The following FER1L6 variants were observed in gnomAD, a reference collection of about 807,000 sequenced individuals.
FER1L6 encodes fer-1 like family member 6, also known as fer-1-like protein 6.
In FER1L6, 177 loss-of-function variants were observed where a neutral mutation model predicts 219.2. The observed-to-expected ratio is 0.81, with a 90% CI of 0.71 to 0.91. The LOEUF is 0.91. Ranked by LOEUF, FER1L6 falls within the 40% of genes least tolerant of loss-of-function variation. The pLI is 0.00. For synonymous variants in FER1L6, 768 were observed against 824.3 expected (o/e 0.93, Z 1.17); for missense variants, 2,153 against 2,259.9 (o/e 0.95, Z 0.96).
At chr8:124,052,573 G>A (rs1006817339) in intron 22 of FER1L6, among the ~76,000 whole-genome samples, 12 of 152,034 alleles carry the variant, frequency 7.9e-5, no homozygotes, top group Non-Finnish European at 1.8e-4. Flanking sequence ...ATCACCTGAA[G>A]TCAGGAGTTG....
At chr8:124,004,678 G>C (rs1467898930) in intron 13 of FER1L6, among the ~76,000 whole-genome samples, 1 of 151,930 alleles carries the variant, frequency 6.6e-6, no homozygotes, top group Non-Finnish European at 1.5e-5. Flanking sequence ...CCACCATTCT[G>C]AGTCCTCCAA....
At chr8:124,093,812 AT>A (rs1217662222) in intron 34 of FER1L6, among the ~76,000 whole-genome samples, 1 of 151,254 alleles carries the variant, frequency 6.6e-6, no homozygotes, top group African/African-American at 2.4e-5. Context: ...TATTATTTTA[AT>A]TTTTGTGGGT....
In FER1L6 at chr8:124,103,041, G is replaced by C. The variant is rs569114363; in HGVS notation, c.5126-105G>C. 179 of 1,039,176 alleles carry C rather than the reference G, an allele frequency of 1.7e-4. No individual in the cohort carries two copies. The South Asian group carries it at 2.6e-3, about 15-fold the overall frequency. 64.4% of individuals were successfully genotyped at this position (1,039,176 alleles called of 1,614,324 possible). A position where few individuals can be genotyped will look rare whatever the true frequency, so the allele number is the denominator to read the frequency against. ...TGATCCAATATGGTACTGATTGAAT[G>C]AGTAGGAAGTGAAGGGTGAATGAAT... On this transcript the variant is annotated intron_variant, in intron 38 of 40. Coordinates refer to ENST00000522917, the MANE Select transcript of FER1L6 (RefSeq NM_001039112.2).
At chr8:124,039,149 AC>A (rs1201279381) in intron 19 of FER1L6, among the ~76,000 whole-genome samples, 1 of 152,082 alleles carries the variant, frequency 6.6e-6, no homozygotes, top group Admixed American at 6.6e-5. Context: ...CTCACAGGAC[AC>A]TTATCCCTGA....
chr8:123,933,538 CAT>C (rs935212653), intron 1 of FER1L6, among the ~76,000 whole-genome samples: 3 of 152,170 alleles, frequency 2.0e-5, no homozygotes, highest in East Asian at 1.9e-4. Flanking sequence ...TGTGCACACA[CAT>C]GTGAGTGCAT....
intron 1 of FER1L6, among the ~76,000 whole-genome samples, chr8:123,903,999 G>A (rs758295029): frequency 1.5e-4 from 23 of 152,252 alleles, no homozygotes; most frequent in Middle Eastern, 3.4e-3. Context: ...GGCCTCCTCC[G>A]AAGCTGGCAG....
intron 1 of FER1L6, among the ~76,000 whole-genome samples, chr8:123,928,860 C>G (rs1258240426): frequency 6.6e-6 from 1 of 152,182 alleles, no homozygotes; most frequent in Non-Finnish European, 1.5e-5. Context: ...CAGGAGTCAT[C>G]ATTTACTTAA....
In FER1L6 at chr8:124,092,852, CTTTTTTTTTT is replaced by C. The variant is rs56104148; in HGVS notation, c.4552+1281_4552+1290del. Among the ~76,000 whole-genome samples, 36 of 140,156 alleles carry C rather than the reference CTTTTTTTTTT, an allele frequency of 2.6e-4. 1 individual carries two copies. Among genetic ancestry groups the C allele is most frequent in the African/African-American group, 7.2e-4 (27 of 37,378 alleles). The allele number at this position is 140,156 out of a possible 152,430, so 91.9% of individuals were successfully genotyped here. On this transcript the variant is annotated intron_variant, in intron 34 of 40. Coordinates refer to ENST00000522917, the MANE Select transcript of FER1L6 (RefSeq NM_001039112.2). ...AGAGAGAAAGCGGGGAAGTGCTACC[CTTTTTTTTTT>C]TTTTTTTTTTTGAGATGGAGTCTCA...
chr8:123,893,426 G>A (rs1182726451), intron 1 of FER1L6, among the ~76,000 whole-genome samples: 3 of 152,138 alleles, frequency 2.0e-5, no homozygotes, highest in African/African-American at 7.2e-5. Context: ...TTGAAATATT[G>A]CTGATTCTTT....
chr8:124,035,497 G>A, intron 19 of FER1L6, 43 bp downstream of exon 19: 2 of 1,568,206 alleles, frequency 1.3e-6, no homozygotes, highest in Non-Finnish European at 1.7e-6. Flanking sequence ...GAGGTCTCAG[G>A]TGGGCTTCTG....
Position 124,027,566 on chromosome 8 carries a change from G to A in FER1L6, c.2286+3970G>A, listed in dbSNP as rs1380105093. Among the ~76,000 whole-genome samples, 4 of 152,118 alleles carry A rather than the reference G, an allele frequency of 2.6e-5. No homozygotes were observed. In the East Asian group the frequency reaches 7.7e-4, roughly 29 times the overall value. ...TTATTTTCTGTCATGTATGTAAAAT[G>A]ATTTTGTTTTAGAGACAGCACCTTA... On this transcript the variant is annotated intron_variant, in intron 18 of 40. Transcript: ENST00000522917.
At chr8:124,091,817 A>G (rs960632968) in intron 34 of FER1L6, among the ~76,000 whole-genome samples, 1 of 151,980 alleles carries the variant, frequency 6.6e-6, no homozygotes, top group Non-Finnish European at 1.5e-5. Flanking sequence ...AAATACAAAA[A>G]GTAGCCATGC....
At chr8:124,108,952 A>G (rs1487122554) in intron 39 of FER1L6, among the ~76,000 whole-genome samples, 1 of 152,138 alleles carries the variant, frequency 6.6e-6, no homozygotes, top group Admixed American at 6.6e-5. Flanking sequence ...ACTCTTAACT[A>G]CTTTATAAAT....
intron 21 of FER1L6, among the ~76,000 whole-genome samples, chr8:124,048,001 A>G (rs1819813966): frequency 6.6e-6 from 1 of 152,204 alleles, no homozygotes; most frequent in African/African-American, 2.4e-5. Context: ...GCTAATTTGA[A>G]TTAACCATTC....
At chr8:123,960,807 A>G (rs1484363143) in intron 2 of FER1L6, among the ~76,000 whole-genome samples, 1 of 152,156 alleles carries the variant, frequency 6.6e-6, no homozygotes. Context: ...TAATGTAATC[A>G]TATCAGCAAA....
intron 20 of FER1L6, among the ~76,000 whole-genome samples, chr8:124,044,130 A>G (rs902600605): frequency 2.2e-4 from 34 of 152,224 alleles, no homozygotes; most frequent in African/African-American, 8.2e-4. Flanking sequence ...GAAGATCACA[A>G]ATTGCTTTGG....
intron 36 of FER1L6, 55 bp downstream of exon 36, chr8:124,097,414 G>T: frequency 8.0e-7 from 1 of 1,249,756 alleles, no homozygotes. Context: ...GCAGATGAAA[G>T]AATCATGACA....
intron 1 of FER1L6, among the ~76,000 whole-genome samples, chr8:123,948,099 G>A (rs28712238): frequency 5.9e-5 from 9 of 152,252 alleles, no homozygotes; most frequent in Non-Finnish European, 1.0e-4. Flanking sequence ...TTTAATTAAC[G>A]TGTAGGATAT....
At chr8:123,908,960 A>C (rs1322017952) in intron 1 of FER1L6, among the ~76,000 whole-genome samples, 1 of 152,210 alleles carries the variant, frequency 6.6e-6, no homozygotes, top group East Asian at 1.9e-4. Flanking sequence ...AAGCTAGCTG[A>C]ACGTAAGACA....
Sources: allele counts gnomAD v4.1 joint callset (sites outside exome capture counted in the v4.1 genomes callset), GRCh38; gene constraint gnomAD v4.1.1; transcripts MANE v1.5; gene names NCBI Gene and HGNC (gene_info 2026-07-23, HGNC 2026-07-21).